Variants in ESRRG observed in about 807,000 individuals in gnomAD.
The protein encoded by ESRRG is estrogen related receptor gamma, also known as estrogen-related receptor gamma.
ESRRG carries 13 observed loss-of-function variants against 44.0 expected under a neutral mutation model. That is an observed-to-expected ratio of 0.30 (90% CI 0.19 to 0.47). The LOEUF (loss-of-function observed/expected upper bound fraction) is 0.47. Among genes scored for constraint, ESRRG ranks in the 20% least tolerant of loss-of-function variants. The pLI is 1.00. For synonymous variants in ESRRG, 215 were observed against 214.6 expected, an observed-to-expected ratio of 1.00 and a Z score of -0.02; for missense variants, 395 against 580.6, an observed-to-expected ratio of 0.68 and a Z score of 3.29.
At chr1:216,931,476 G>C (rs1352638178) in intron 2 of ESRRG, among the ~76,000 whole-genome samples, 1 of 152,050 alleles carries the variant, frequency 6.6e-6, no homozygotes, top group Admixed American at 6.6e-5. Context: ...AAGTTTTCCA[G>C]CTCCCTGACT....
Position 216,730,181 on chromosome 1 carries a change from C to T in ESRRG, c.-13-52690G>A, listed in dbSNP as rs139160632. On this transcript the variant is annotated intron_variant, in intron 2 of 7. Transcript: ENST00000359162. The stretch of plus-strand genomic sequence containing the variant: ...GACACTATACTAGCGCATAGAACTC[C>T]GACAGAGATCTGACCTCTCTGAGGA... Among the ~76,000 whole-genome samples, 422 of 151,952 alleles carry T rather than the reference C, an allele frequency of 2.8e-3. 5 individuals are homozygous for T. In the East Asian group the frequency reaches 0.046, roughly 17 times the overall value.
At chr1:216,864,740 A>G (rs1198458812) in intron 2 of ESRRG, 1 of 152,196 alleles carries the variant, frequency 6.6e-6, no homozygotes, top group African/African-American at 2.4e-5. Context: ...CCAACTTAAG[A>G]AGGAGGCATC....
intron 5 of ESRRG, among the ~76,000 whole-genome samples, chr1:216,531,721 T>A (rs895353799): frequency 5.9e-5 from 9 of 152,136 alleles, no homozygotes; most frequent in African/African-American, 2.2e-4. Flanking sequence ...TTATAATAAT[T>A]CTTTCTGTGA....
intron 2 of ESRRG, among the ~76,000 whole-genome samples, chr1:216,925,734 T>G (rs1469817554): frequency 6.6e-6 from 1 of 151,954 alleles, no homozygotes; most frequent in Non-Finnish European, 1.5e-5. Flanking sequence ...AAGGATCGCC[T>G]GAGGTCAGGA....
chr1:216,681,985 T>C (rs969560043), intron 1 of ESRRG: 1 of 152,226 alleles, frequency 6.6e-6, no homozygotes, highest in Non-Finnish European at 1.5e-5. Context: ...TGCATTTCGA[T>C]GGAAGGTCTG....
At chr1:216,834,342 A>C (rs2095531210) in intron 2 of ESRRG, among the ~76,000 whole-genome samples, 2 of 152,200 alleles carry the variant, frequency 1.3e-5, no homozygotes, top group South Asian at 4.1e-4. Flanking sequence ...TTGAGGCTGC[A>C]GTGAGCTGTG....
At chr1:216,849,601 A>G (rs762298000) in intron 2 of ESRRG, among the ~76,000 whole-genome samples, 8 of 152,116 alleles carry the variant, frequency 5.3e-5, no homozygotes, top group Non-Finnish European at 8.8e-5. Context: ...GATCAAAAGG[A>G]TTCGTCCTAC....
At chr1:216,726,540 A>T, upstream of ESRRG, among the ~76,000 whole-genome samples, 1 of 152,254 alleles carries the variant, frequency 6.6e-6, no homozygotes, top group African/African-American at 2.4e-5. Flanking sequence ...CTGGAAAAAC[A>T]AATAAACAAA....
chr1:216,920,419 TGCGC>T (rs1458636139), intron 2 of ESRRG, among the ~76,000 whole-genome samples: 123 of 57,030 alleles, frequency 2.2e-3, no homozygotes, highest in African/African-American at 6.0e-3. Context: ...TGTGTGTGTG[TGCGC>T]ATATTTTTCT....
In ESRRG at chr1:216,677,230, G is replaced by A; in HGVS notation, c.318C>T (p.Ser106=). ...PVRKLYDDCS[S]TIVEDPQTKC... ...TGGTCTGGGGATCTTCAACAATGGTGCTGGAGCAGTCATCATACAGTTTCC... is the reference window on the plus strand; with the variant it reads ...TGGTCTGGGGATCTTCAACAATGGTACTGGAGCAGTCATCATACAGTTTCC... The change falls in exon 2 of 7, where the codon AGC becomes AGT. Residue 106 remains serine, a synonymous_variant. Coordinates refer to ENST00000408911, the MANE Select transcript of ESRRG (RefSeq NM_001438.4). 2 of 1,614,152 alleles carry A rather than the reference G, an allele frequency of 1.2e-6. No homozygotes were observed. The highest frequency in any genetic ancestry group is 4.5e-5 in the East Asian group (2 of 44,866).
chr1:216,817,733 A>G (rs2095183351), intron 2 of ESRRG, among the ~76,000 whole-genome samples: 1 of 152,232 alleles, frequency 6.6e-6, no homozygotes, highest in South Asian at 2.1e-4. Flanking sequence ...TGGAAAATTT[A>G]GGGAATAGGA....
At chr1:216,871,637 T>C (rs2096261490) in intron 2 of ESRRG, among the ~76,000 whole-genome samples, 1 of 152,068 alleles carries the variant, frequency 6.6e-6, no homozygotes, top group African/African-American at 2.4e-5. Context: ...AGTTTTTGCT[T>C]CCTGTATTTT....
intron 1 of ESRRG, among the ~76,000 whole-genome samples, chr1:216,974,608 A>C (rs2072470331): frequency 6.6e-6 from 1 of 152,230 alleles, no homozygotes; most frequent in African/African-American, 2.4e-5. Context: ...AATGGGCAGC[A>C]GCACTTTAAA....
intron 5 of ESRRG, among the ~76,000 whole-genome samples, chr1:216,551,062 T>C (rs2056182562): frequency 6.6e-6 from 1 of 152,148 alleles, no homozygotes; most frequent in Non-Finnish European, 1.5e-5. Flanking sequence ...TTCAAGACTC[T>C]TGACTATGTG....
chr1:216,640,329 G>A (rs1359423626), intron 3 of ESRRG, among the ~76,000 whole-genome samples: 1 of 152,120 alleles, frequency 6.6e-6, no homozygotes, highest in East Asian at 1.9e-4. Context: ...TGGCTTTGGG[G>A]AAGCCGCTGA....
intron 1 of ESRRG, among the ~76,000 whole-genome samples, chr1:216,691,644 G>C (rs576208124): frequency 2.6e-5 from 4 of 152,282 alleles, no homozygotes; most frequent in African/African-American, 7.2e-5. Context: ...TAATAAAACT[G>C]TATATCCCTG....
At chr1:216,722,604 T>C (rs1261900120) in intron 1 of ESRRG, among the ~76,000 whole-genome samples, 4 of 152,088 alleles carry the variant, frequency 2.6e-5, no homozygotes, top group African/African-American at 9.7e-5. Context: ...TAGTTTTTTT[T>C]CCCCCCTTAA....
rs1389400117 is a variant in ESRRG at position 216,715,862 on chromosome 1, T to C, written c.56+7382A>G. ...TCAAATTCTCAAAAGCCATGAAAAA[T>C]GAGTAAAATCTTTCTAGAGTAGATG... On this transcript the variant is annotated intron_variant, in intron 1 of 6. Coordinates refer to ENST00000408911, the MANE Select transcript of ESRRG (RefSeq NM_001438.4). Among the ~76,000 whole-genome samples, 3 of 152,000 alleles carry C rather than the reference T, an allele frequency of 2.0e-5. 1 individual carries two copies. The highest frequency in any genetic ancestry group is 1.3e-4 in the Admixed American group (2 of 15,228).
At chr1:216,511,949 G>A (rs577377195) in intron 6 of ESRRG, among the ~76,000 whole-genome samples, 1 of 152,154 alleles carries the variant, frequency 6.6e-6, no homozygotes, top group South Asian at 2.1e-4. Context: ...TACTCTGAAA[G>A]CTGCTAAATA....
Sources: allele counts gnomAD v4.1 joint callset (sites outside exome capture counted in the v4.1 genomes callset), GRCh38; gene constraint gnomAD v4.1.1; transcripts MANE v1.5; gene names NCBI Gene and HGNC (gene_info 2026-07-23, HGNC 2026-07-21).